The following MAP7 variants were observed in gnomAD, a reference collection of about 807,000 sequenced individuals.
MAP7 encodes ensconsin.
MAP7 carries 52 observed loss-of-function variants against 94.8 expected under a neutral mutation model. The ratio of observed to expected loss-of-function variants is 0.55; its 90% CI spans 0.44 to 0.69. The LOEUF is 0.69. Among genes scored for constraint, MAP7 ranks in the 30% least tolerant of loss-of-function variants. The pLI is 0.00. For missense variants in MAP7, 940 were observed against 964.6 expected, an observed-to-expected ratio of 0.97 and a Z score of 0.34; for synonymous variants, 350 against 357.0, an observed-to-expected ratio of 0.98 and a Z score of 0.22.
Position 136,421,908 on chromosome 6 carries a change from C to T in MAP7, c.68-109G>A, listed in dbSNP as rs149030315. On this transcript the variant is annotated intron_variant, in intron 1 of 17. Coordinates refer to ENST00000354570, the MANE Select transcript of MAP7 (RefSeq NM_003980.6). The stretch of plus-strand genomic sequence containing the variant: ...TTAACCTATGTACCAGGTTCTTAGG[C>T]TAGATTAAGGAAATGAAAAGATGAA... The T allele has an allele frequency of 1.4e-4, 111 of 780,716 alleles. No homozygotes were observed. The African/African-American group carries it at 1.8e-3, about 13-fold the overall frequency. The allele number at this position is 780,716 out of a possible 1,614,324, so 48.4% of individuals were successfully genotyped here. A position where few individuals can be genotyped will look rare whatever the true frequency, so the allele number is the denominator to read the frequency against.
At position 136,411,683 on chromosome 6, in the gene MAP7, A is replaced by T; in HGVS notation, c.181T>A (p.Leu61Ile). ...AGCCGCTGCCGGTCATCAACACGTAACACAGGCGGAGGGTCTGAAAGCGAG... is the reference window on the plus strand; with the variant it reads ...AGCCGCTGCCGGTCATCAACACGTATCACAGGCGGAGGGTCTGAAAGCGAG... ...SGNKPDPPPV[L>I]RVDDRQRLAR... The change falls in exon 3 of 18, where the codon TTA becomes ATA. Residue 61 changes from leucine to isoleucine, a missense_variant. Physicochemically the swap from Leu to Ile is conservative, Grantham distance 5. Transcript: ENST00000354570. 1 of 1,566,088 alleles carries T rather than the reference A, an allele frequency of 6.4e-7. No individual in the cohort carries two copies. Among genetic ancestry groups the T allele is most frequent in the African/African-American group, 1.4e-5 (1 of 73,764 alleles).
In MAP7 at chr6:136,357,134, A is replaced by G. The variant is rs190199162; in HGVS notation, c.1913-340T>C. Reference sequence around the variant, plus strand: ...CAAAGCAACTGATAAAGATAGCAGTAAGCTGACTTGATCAAGCTGACACTG... The same window carrying G: ...CAAAGCAACTGATAAAGATAGCAGTGAGCTGACTTGATCAAGCTGACACTG... On this transcript the variant is annotated intron_variant, in intron 15 of 17. Transcript: ENST00000354570. Among the ~76,000 whole-genome samples, 16 of 152,364 alleles carry G rather than the reference A, an allele frequency of 1.1e-4. No homozygotes were observed. The East Asian group carries it at 2.3e-3, about 22-fold the overall frequency.
At chr6:136,460,919 A>G (rs1397492649) in intron 1 of MAP7, among the ~76,000 whole-genome samples, 1 of 152,130 alleles carries the variant, frequency 6.6e-6, no homozygotes, top group African/African-American at 2.4e-5. Context: ...ACTTGTCCTA[A>G]GGTATATGGA....
intron 1 of MAP7, among the ~76,000 whole-genome samples, chr6:136,461,847 T>G (rs957568454): frequency 5.9e-5 from 9 of 152,190 alleles, no homozygotes; most frequent in Admixed American, 1.3e-4. Context: ...GTGAACAAAC[T>G]GCCTTGGGTA....
At position 136,402,078 on chromosome 6, in the gene MAP7, C is replaced by T. The variant is rs575478956; in HGVS notation, c.244+9542G>A. Reference sequence around the variant, plus strand: ...GGCCATAGGATCATGCATCTTCACACACACCTCCTTCCCCCTGGCAAACTT... The same window carrying T: ...GGCCATAGGATCATGCATCTTCACATACACCTCCTTCCCCCTGGCAAACTT... On this transcript the variant is annotated intron_variant, in intron 3 of 17. Transcript: ENST00000354570. Among the ~76,000 whole-genome samples, 6 of 152,338 alleles carry T rather than the reference C, an allele frequency of 3.9e-5. No individual in the cohort carries two copies. The South Asian group carries it at 1.0e-3, about 26-fold the overall frequency.
At position 136,365,842 on chromosome 6, in the gene MAP7, G is replaced by C. The variant is rs1056964840; in HGVS notation, c.1166C>G (p.Pro389Arg). ...EPEKKDPEKE[P>R]QKVANEPSLK... ...TGAGGGCTCATTGGCAACTTTCTGA[G>C]GTTCCTTCTCAGGATCTTTCTTCTC... Residue 389 changes from proline to arginine, a missense_variant, in exon 10 of 18, where the codon CCT becomes CGT. By Grantham distance (103) the Pro-to-Arg change is moderately radical. Transcript: ENST00000354570. 17 of 1,614,010 alleles carry C rather than the reference G, an allele frequency of 1.1e-5. No homozygotes were observed. In the African/African-American group the frequency reaches 2.0e-4, roughly 19 times the overall value.
At chr6:136,363,139 T>G (rs1261010182) in intron 10 of MAP7, among the ~76,000 whole-genome samples, 1 of 152,238 alleles carries the variant, frequency 6.6e-6, no homozygotes, top group Non-Finnish European at 1.5e-5. Context: ...GAGTCCAGAT[T>G]CAGCCTGGGA....
chr6:136,510,689 C>A (rs182893827), intron 1 of MAP7, among the ~76,000 whole-genome samples: 6 of 151,932 alleles, frequency 3.9e-5, no homozygotes, highest in African/African-American at 1.2e-4. Context: ...ATTTTGGGAG[C>A]GACCATACTC....
At chr6:136,425,710 C>T (rs1792944519) in intron 1 of MAP7, among the ~76,000 whole-genome samples, 1 of 152,114 alleles carries the variant, frequency 6.6e-6, no homozygotes. Context: ...CATAAAGCAA[C>T]AGCAACACTC....
At chr6:136,465,052 G>A (rs1226954280) in intron 1 of MAP7, among the ~76,000 whole-genome samples, 1 of 152,190 alleles carries the variant, frequency 6.6e-6, no homozygotes, top group African/African-American at 2.4e-5. Context: ...CAACCATGTG[G>A]ACTTTCATGA....
chr6:136,531,423 T>C (rs754089437), intron 1 of MAP7, among the ~76,000 whole-genome samples: 1 of 144,634 alleles, frequency 6.9e-6, no homozygotes, highest in Non-Finnish European at 1.5e-5. Context: ...TATGGTTCCT[T>C]GACTTGCTTT....
Position 136,383,769 on chromosome 6 carries a change from C to T in MAP7, c.539G>A (p.Arg180Gln), listed in dbSNP as rs1419232602. The change falls in exon 6 of 18, where the codon CGG becomes CAG. Residue 180 changes from arginine (R) to glutamine (Q), a missense_variant. Physicochemically the swap from Arg to Gln is conservative, Grantham distance 43 (BLOSUM62 1). Transcript: ENST00000354570. ...PSIHSADPDR[R>Q]SVSTMNLSKY... The stretch of plus-strand genomic sequence containing the variant: ...CGAAAGATTCATGGTGGAAACTGAC[C>T]GCCTGTCTGGATCTAAAACAAATGG... 3.1e-6 allele frequency: 5 copies of T among 1,604,280 alleles called. No homozygotes were observed. The highest frequency in any genetic ancestry group is 4.3e-6 in the Non-Finnish European group (5 of 1,172,254).
At chr6:136,403,627 C>A (rs920238570) in intron 3 of MAP7, among the ~76,000 whole-genome samples, 2 of 152,230 alleles carry the variant, frequency 1.3e-5, no homozygotes, top group African/African-American at 4.8e-5. Flanking sequence ...TTAGCCTCTA[C>A]CGTCATCTGT....
chr6:136,475,927 T>G (rs1265816117), intron 1 of MAP7: 2 of 152,218 alleles, frequency 1.3e-5, no homozygotes. Flanking sequence ...TGCTGCTTCT[T>G]GATGATACTT....
chr6:136,389,220 T>A, intron 4 of MAP7, 134 bp downstream of exon 4: 1 of 1,373,580 alleles, frequency 7.3e-7, no homozygotes, highest in Non-Finnish European at 9.5e-7. Context: ...CTAGAAACTG[T>A]AGCCATCTGT....
intron 1 of MAP7, among the ~76,000 whole-genome samples, chr6:136,442,062 C>T (rs1386010020): frequency 6.6e-6 from 1 of 151,448 alleles, no homozygotes; most frequent in Non-Finnish European, 1.5e-5. Context: ...GTAAATCTTC[C>T]CAATTTCCTG....
At chr6:136,370,465 A>C (rs926387413) in intron 8 of MAP7, among the ~76,000 whole-genome samples, 1 of 152,254 alleles carries the variant, frequency 6.6e-6, no homozygotes. Context: ...TCCCATGTTC[A>C]TAGCAGCGTT....
At chr6:136,414,871 G>A (rs1032959874) in intron 2 of MAP7, among the ~76,000 whole-genome samples, 1 of 150,342 alleles carries the variant, frequency 6.7e-6, no homozygotes, top group African/African-American at 2.5e-5. Context: ...CTGGAGTGCA[G>A]TGGCGTGATC....
At chr6:136,369,310 A>G (rs1446403061) in intron 8 of MAP7, among the ~76,000 whole-genome samples, 2 of 152,224 alleles carry the variant, frequency 1.3e-5, no homozygotes, top group African/African-American at 4.8e-5. Flanking sequence ...ACTACGACTC[A>G]TGTCTGCAAT....
Sources: allele counts gnomAD v4.1 joint callset (sites outside exome capture counted in the v4.1 genomes callset), GRCh38; gene constraint gnomAD v4.1.1; transcripts MANE v1.5; gene names NCBI Gene and HGNC (gene_info 2026-07-23, HGNC 2026-07-21).